JAZF1: variants seen among roughly 807,000 people sequenced by gnomAD.
The protein encoded by JAZF1 is juxtaposed with another zinc finger protein 1.
A neutral mutation model predicts 26.4 loss-of-function variants in JAZF1; 8 were observed. That is an observed-to-expected ratio of 0.30 (90% confidence interval 0.18 to 0.55). JAZF1 has a LOEUF of 0.55. Ranked by LOEUF, JAZF1 falls within the 20% of genes least tolerant of loss-of-function variation. The probability of loss-of-function intolerance (pLI) is 0.94; values close to 1 mark genes in which losing one functional copy is unlikely to be tolerated. For synonymous variants in JAZF1, 126 were observed against 122.3 expected, an observed-to-expected ratio of 1.03 and a Z score of -0.20; for missense variants, 199 against 322.0, an observed-to-expected ratio of 0.62 and a Z score of 2.92.
chr7:28,169,656 A>G (rs1783421871), intron 1 of JAZF1, among the ~76,000 whole-genome samples: 1 of 152,216 alleles, frequency 6.6e-6, no homozygotes, highest in Non-Finnish European at 1.5e-5. Context: ...GCTTGGGTTT[A>G]CAAAGAAACT....
chr7:28,140,745 C>T (rs1291147675), intron 1 of JAZF1, among the ~76,000 whole-genome samples: 1 of 152,134 alleles, frequency 6.6e-6, no homozygotes, highest in Non-Finnish European at 1.5e-5. Context: ...ATGCAGCAAC[C>T]GGTGAGAAGA....
intron 3 of JAZF1, among the ~76,000 whole-genome samples, chr7:27,851,431 T>C (rs1024113795): frequency 1.3e-5 from 2 of 152,074 alleles, no homozygotes; most frequent in Non-Finnish European, 2.9e-5. Flanking sequence ...GGAGGATCAT[T>C]TGAAGGCAGA....
intron 1 of JAZF1, among the ~76,000 whole-genome samples, chr7:28,099,669 T>A (rs533161020): frequency 6.6e-6 from 1 of 152,120 alleles, no homozygotes; most frequent in South Asian, 2.1e-4. Context: ...ACAGACGGGA[T>A]TTCTCCATGT....
chr7:27,922,139 T>C (rs1406876928), intron 2 of JAZF1, among the ~76,000 whole-genome samples: 1 of 152,160 alleles, frequency 6.6e-6, no homozygotes, highest in African/African-American at 2.4e-5. Context: ...AAGAAATACA[T>C]AAAGATAAAA....
intron 2 of JAZF1, among the ~76,000 whole-genome samples, chr7:27,987,277 G>T (rs1042591620): frequency 8.1e-4 from 122 of 151,358 alleles, no homozygotes; most frequent in African/African-American, 2.8e-3. Flanking sequence ...GCCCCGTCTG[G>T]GATGTGAGGA....
At chr7:28,162,907 A>C (rs188299895) in intron 1 of JAZF1, among the ~76,000 whole-genome samples, 143 of 152,346 alleles carry the variant, frequency 9.4e-4, no homozygotes, top group Middle Eastern at 3.4e-3. Flanking sequence ...TTAAGACTTC[A>C]TGGTAGAGGA....
intron 1 of JAZF1, among the ~76,000 whole-genome samples, chr7:28,119,374 C>A (rs1252817959): frequency 6.6e-6 from 1 of 152,178 alleles, no homozygotes; most frequent in Non-Finnish European, 1.5e-5. Flanking sequence ...TTCCTCTATG[C>A]CAATCATATG....
At chr7:28,092,425 T>C (rs966902571) in intron 1 of JAZF1, among the ~76,000 whole-genome samples, 2 of 151,156 alleles carry the variant, frequency 1.3e-5, no homozygotes, top group African/African-American at 4.9e-5. Flanking sequence ...AATACACGGT[T>C]GGACTGAGCT....
chr7:27,851,100 G>A (rs1017130491), intron 3 of JAZF1, among the ~76,000 whole-genome samples: 4 of 151,964 alleles, frequency 2.6e-5, no homozygotes, highest in South Asian at 2.1e-4. Context: ...CGGCCACCAC[G>A]CCTGGCTAGT....
At chr7:27,987,305 C>G (rs550086192) in intron 2 of JAZF1, among the ~76,000 whole-genome samples, 1 of 150,944 alleles carries the variant, frequency 6.6e-6, no homozygotes, top group Non-Finnish European at 1.5e-5. Context: ...TGCCCGGCTG[C>G]GACCCCGTCT....
intron 3 of JAZF1, among the ~76,000 whole-genome samples, chr7:27,877,839 T>C (rs1393609590): frequency 6.6e-6 from 1 of 152,190 alleles, no homozygotes; most frequent in Non-Finnish European, 1.5e-5. Flanking sequence ...GTTGAGTTCA[T>C]CAGGGTGTGG....
intron 3 of JAZF1, among the ~76,000 whole-genome samples, chr7:27,876,051 T>C (rs1300145631): frequency 6.6e-6 from 1 of 152,206 alleles, no homozygotes; most frequent in Non-Finnish European, 1.5e-5. Flanking sequence ...GCATGTTACC[T>C]AATGTCTCTT....
At chr7:27,951,270 C>G (rs1438757315) in intron 2 of JAZF1, among the ~76,000 whole-genome samples, 1 of 152,168 alleles carries the variant, frequency 6.6e-6, no homozygotes, top group African/African-American at 2.4e-5. Context: ...TCACATACAT[C>G]TAGAACCCCT....
chr7:27,999,573 C>T (rs1786090690), intron 1 of JAZF1, among the ~76,000 whole-genome samples: 1 of 152,210 alleles, frequency 6.6e-6, no homozygotes. Context: ...TACCCATCTT[C>T]CAAGGCTTTG....
At chr7:28,167,350 C>T (rs1241717120) in intron 1 of JAZF1, among the ~76,000 whole-genome samples, 1 of 152,258 alleles carries the variant, frequency 6.6e-6, no homozygotes, top group South Asian at 2.1e-4. Context: ...TGGTGTCTCA[C>T]AAAACACTGT....
At chr7:28,099,664 C>A (rs1473643449) in intron 1 of JAZF1, among the ~76,000 whole-genome samples, 1 of 151,962 alleles carries the variant, frequency 6.6e-6, no homozygotes, top group Admixed American at 6.6e-5. Flanking sequence ...TTAATACAGA[C>A]GGGATTTCTC....
intron 2 of JAZF1, among the ~76,000 whole-genome samples, chr7:27,897,213 G>T (rs1784083283): frequency 6.6e-6 from 1 of 152,180 alleles, no homozygotes; most frequent in Non-Finnish European, 1.5e-5. Context: ...AAGGCCGATT[G>T]TTCTCGAGGG....
chr7:28,158,184 C>CAGAGAG (rs769527451), intron 1 of JAZF1, among the ~76,000 whole-genome samples: 38 of 105,316 alleles, frequency 3.6e-4, no homozygotes, highest in African/African-American at 1.2e-3. Flanking sequence ...CACACACACA[C>CAGAGAG]ACAGAGAGAG....
intron 1 of JAZF1, among the ~76,000 whole-genome samples, chr7:28,029,984 A>G (rs1172315174): frequency 1.3e-5 from 2 of 152,230 alleles, no homozygotes; most frequent in African/African-American, 4.8e-5. Flanking sequence ...AATCTGAAAA[A>G]TAACAAGAGT....
Sources: allele counts gnomAD v4.1 joint callset (sites outside exome capture counted in the v4.1 genomes callset), GRCh38; gene constraint gnomAD v4.1.1; transcripts MANE v1.5; gene names NCBI Gene and HGNC (gene_info 2026-07-23, HGNC 2026-07-21).